Variants in SPPL2B observed in about 807,000 individuals in gnomAD.
The protein encoded by SPPL2B is signal peptide peptidase-like 2B.
Under a neutral mutation model 59.7 loss-of-function variants are expected in SPPL2B, and 39 were observed. The ratio of observed to expected loss-of-function variants is 0.65; its 90% CI spans 0.51 to 0.85. The LOEUF is 0.85. Ranked by LOEUF, SPPL2B falls within the 40% of genes least tolerant of loss-of-function variation. SPPL2B has a pLI of 0.00. For synonymous variants in SPPL2B, 419 were observed against 370.8 expected, an observed-to-expected ratio of 1.13 and a Z score of -1.49; for missense variants, 865 against 849.0, an observed-to-expected ratio of 1.02 and a Z score of -0.23.
intron 2 of SPPL2B, among the ~76,000 whole-genome samples, chr19:2,336,069 TTGTG>T (rs993832222): frequency 7.2e-5 from 11 of 152,302 alleles, no homozygotes; most frequent in Middle Eastern, 3.4e-3. Flanking sequence ...ATTTCTGAGT[TTGTG>T]TGTGTGAGCA....
chr19:2,343,813 C>G (rs1969196146), intron 9 of SPPL2B, among the ~76,000 whole-genome samples, 152 bp from the exon 10 acceptor site: 2 of 152,140 alleles, frequency 1.3e-5, no homozygotes, highest in African/African-American at 4.8e-5. Context: ...GCTTCCAAAG[C>G]TCCTCCTGCG....
At position 2,343,247 on chromosome 19, in the gene SPPL2B, C is replaced by A. The variant is rs773003652; in HGVS notation, c.993C>A (p.Ala331=). ...AWVLQDALGI[A]FCLYMLKTIR... is the part of the protein sequence containing the mutation. ...TCCTCCAGGATGCCCTGGGCATCGC[C>A]TTCTGCCTCTACATGCTGAAGACCA... Residue 331 remains alanine (A), a synonymous_variant, in exon 9 of 15, where the codon GCC becomes GCA. Transcript: ENST00000613503. 1.3e-6 allele frequency: 2 copies of A among 1,556,668 alleles called. No homozygotes were observed. Among genetic ancestry groups the A allele is most frequent in the Non-Finnish European group, 1.7e-6 (2 of 1,149,786 alleles).
At chr19:2,343,942 G>C in intron 9 of SPPL2B, 23 bp from the exon 10 acceptor site, 1 of 1,538,506 alleles carries the variant, frequency 6.5e-7, no homozygotes, top group Non-Finnish European at 8.8e-7. Flanking sequence ...GGTGGGGGCC[G>C]CCCTCAGCCG....
intron 2 of SPPL2B, among the ~76,000 whole-genome samples, chr19:2,335,121 G>C (rs1490929871): frequency 2.0e-5 from 3 of 152,088 alleles, no homozygotes; most frequent in African/African-American, 7.2e-5. Flanking sequence ...CCTGCTGCTG[G>C]ATGAGTCCCT....
At chr19:2,345,438 A>G in intron 13 of SPPL2B, 108 bp downstream of exon 13, 1 of 901,008 alleles carries the variant, frequency 1.1e-6, no homozygotes, top group Non-Finnish European at 1.8e-6. Context: ...CCTAACCCTA[A>G]TTCCAACTCT....
chr19:2,348,626 ACACT>A (rs1283590993), intron 13 of SPPL2B, among the ~76,000 whole-genome samples: 3 of 144,136 alleles, frequency 2.1e-5, no homozygotes, highest in Admixed American at 7.1e-5. Flanking sequence ...CTCTCCACAC[ACACT>A]CACACGCTGT....
chr19:2,341,903 C>T, intron 8 of SPPL2B: 1 of 246,416 alleles, frequency 4.1e-6, no homozygotes, highest in South Asian at 4.1e-5. Flanking sequence ...TCAAGACCAG[C>T]CTGGGCAACA....
chr19:2,330,308 T>G (rs998968076), intron 1 of SPPL2B: 3 of 142,108 alleles, frequency 2.1e-5, no homozygotes, highest in African/African-American at 8.0e-5. Flanking sequence ...AGAGACGAGG[T>G]TTCACCATGT....
At chr19:2,331,039 C>T (rs896959280) in intron 1 of SPPL2B, among the ~76,000 whole-genome samples, 6 of 152,206 alleles carry the variant, frequency 3.9e-5, no homozygotes, top group Admixed American at 3.3e-4. Flanking sequence ...GGTGACAGTC[C>T]TCAACTCGCT....
chr19:2,348,000 T>A (rs1448154650), intron 13 of SPPL2B, among the ~76,000 whole-genome samples: 1 of 67,136 alleles, frequency 1.5e-5, no homozygotes, highest in Non-Finnish European at 2.9e-5. Flanking sequence ...TCACGCGCTC[T>A]CATTTGCCTG....
In SPPL2B at chr19:2,338,812, A is replaced by G. The variant is rs752011442; in HGVS notation, c.430A>G (p.Ser144Gly). The change falls in exon 4 of 15, where the codon AGC (serine) becomes GGC (glycine). Residue 144 changes from serine to glycine, a missense_variant. Physicochemically the swap from Ser to Gly is moderately conservative, Grantham distance 56. Coordinates refer to ENST00000613503, the MANE Select transcript of SPPL2B (RefSeq NM_152988.3). Reference protein sequence around the residue: ...DEIGIPVALLSYKDMLDIFTR... With the variant: ...DEIGIPVALLGYKDMLDIFTR... Reference sequence around the variant, plus strand: ...GATTGGCATTCCCGTGGCCCTGCTCAGCTACAAAGACATGCTGGACATCTT... The same window carrying G: ...GATTGGCATTCCCGTGGCCCTGCTCGGCTACAAAGACATGCTGGACATCTT... 69 of 1,613,502 alleles carry G rather than the reference A, an allele frequency of 4.3e-5. No individual in the cohort carries two copies. Among genetic ancestry groups the G allele is most frequent in the Non-Finnish European group, 4.8e-5 (57 of 1,179,696 alleles).
Position 2,339,968 on chromosome 19 carries a change from T to C in SPPL2B, c.742+2T>C. Reference sequence around the variant, plus strand: ...TCTACTATTTCTACGATCTCCTCGGTGCGCGGCCCCGGGCGGGTGGGCCGC... The same window carrying C: ...TCTACTATTTCTACGATCTCCTCGGCGCGCGGCCCCGGGCGGGTGGGCCGC... On this transcript the variant is annotated splice_donor_variant, in intron 6 of 14. Coordinates refer to ENST00000613503, the MANE Select transcript of SPPL2B (RefSeq NM_152988.3). LOFTEE classifies it high-confidence loss of function. 1 of 1,553,218 alleles carries C rather than the reference T, an allele frequency of 6.4e-7. No homozygotes were observed. The highest frequency in any genetic ancestry group is 8.7e-7 in the Non-Finnish European group (1 of 1,147,718).
chr19:2,353,370 G>A lies in SPPL2B; in HGVS notation c.*161G>A, dbSNP rs10420958. 0.59 allele frequency: 533,903 copies of A among 912,212 alleles called. 159,868 individuals carry two copies. Among genetic ancestry groups the A allele is most frequent in the Middle Eastern group, 0.65 (1,863 of 2,862 alleles). 56.5% of individuals were successfully genotyped at this position (912,212 alleles called of 1,614,324 possible). A position where few individuals can be genotyped will look rare whatever the true frequency, so the allele number is the denominator to read the frequency against. ...TGCTCATCCTTGCCGAGACCCCTGCGGTCTGTGCCCGCGCCCAGCCCAGCT... is the reference window on the plus strand; with the variant it reads ...TGCTCATCCTTGCCGAGACCCCTGCAGTCTGTGCCCGCGCCCAGCCCAGCT... On this transcript the variant is annotated 3_prime_UTR_variant, in exon 15 of 15. Coordinates refer to ENST00000613503, the MANE Select transcript of SPPL2B (RefSeq NM_152988.3).
At position 2,333,557 on chromosome 19, in the gene SPPL2B, C is replaced by T. The variant is rs77398208; in HGVS notation, c.67-1045C>T. On this transcript the variant is annotated intron_variant, in intron 1 of 14. Coordinates refer to ENST00000613503, the MANE Select transcript of SPPL2B (RefSeq NM_152988.3). ...GGGGTCGTCCCTTCTGGTCCAGGCC[C>T]GTCTACTCCGCAGCCCTCCTGGGAG... Among the ~76,000 whole-genome samples the T allele has an allele frequency of 8.8e-4, 134 of 152,338 alleles. 2 individuals are homozygous for T. The East Asian group carries it at 0.022, about 25-fold the overall frequency.
At chr19:2,350,508 C>T (rs541851462) in intron 13 of SPPL2B, among the ~76,000 whole-genome samples, 2 of 152,146 alleles carry the variant, frequency 1.3e-5, no homozygotes, top group Non-Finnish European at 2.9e-5. Flanking sequence ...CATTCTCTCT[C>T]TCTCCACACA....
At chr19:2,329,158 C>T (rs1371035195) in intron 1 of SPPL2B, among the ~76,000 whole-genome samples, 1 of 152,256 alleles carries the variant, frequency 6.6e-6, no homozygotes, top group Admixed American at 6.5e-5. Context: ...GCCTCAGTTT[C>T]CCCTTAGGCG....
At chr19:2,337,882 C>T in intron 3 of SPPL2B, 1 of 474,314 alleles carries the variant, frequency 2.1e-6, no homozygotes, top group Non-Finnish European at 3.8e-6. Flanking sequence ...TGTTGGGTGC[C>T]TGTCCTAGAG....
intron 2 of SPPL2B, chr19:2,337,166 G>C: frequency 2.9e-6 from 1 of 346,890 alleles, no homozygotes; most frequent in East Asian, 5.0e-5. Flanking sequence ...CTTGCTGAGT[G>C]ATCTGTGACG....
At chr19:2,334,488 G>A (rs1968447686) in intron 1 of SPPL2B, 114 bp from the exon 2 acceptor site, 3 of 1,411,452 alleles carry the variant, frequency 2.1e-6, no homozygotes, top group Non-Finnish European at 2.8e-6. Context: ...ACCACCTGGT[G>A]AACATGGGCG....
Sources: allele counts gnomAD v4.1 joint callset (sites outside exome capture counted in the v4.1 genomes callset), GRCh38; gene constraint gnomAD v4.1.1; transcripts MANE v1.5; gene names NCBI Gene and HGNC (gene_info 2026-07-23, HGNC 2026-07-21).